RAB38: variants seen among roughly 807,000 people sequenced by gnomAD.
The protein encoded by RAB38 is RAB38, member RAS oncogene family.
RAB38 carries 15 observed loss-of-function variants against 18.4 expected under a neutral mutation model. The observed-to-expected ratio is 0.82, with a 90% CI of 0.55 to 1.26. The LOEUF is 1.26. Ranked by LOEUF, RAB38 falls within the 50% of genes most tolerant of loss-of-function variation. RAB38 has a pLI of 0.00. For missense variants in RAB38, 294 were observed against 267.4 expected (o/e 1.10, Z -0.69); for synonymous variants, 101 against 104.4 (o/e 0.97, Z 0.20).
At chr11:87,904,968 C>T in the RAB38 span, among the ~76,000 whole-genome samples, 1 of 151,598 alleles carries the variant, frequency 6.6e-6, no homozygotes, top group African/African-American at 2.4e-5. Context: ...TTCCACCATC[C>T]CTCTCCCATC....
At chr11:88,023,581 G>C in the RAB38 span, among the ~76,000 whole-genome samples, 1 of 151,836 alleles carries the variant, frequency 6.6e-6, no homozygotes, top group Non-Finnish European at 1.5e-5. Flanking sequence ...AAAAGGACCA[G>C]AATAGCCAAA....
At chr11:87,943,643 T>C in the RAB38 span, among the ~76,000 whole-genome samples, 1 of 152,158 alleles carries the variant, frequency 6.6e-6, no homozygotes, top group Non-Finnish European at 1.5e-5. Flanking sequence ...GGATTCACCA[T>C]ACTTAGGGGA....
intron 2 of RAB38, among the ~76,000 whole-genome samples, chr11:88,128,878 T>C (rs549173119): frequency 2.6e-4 from 40 of 152,310 alleles, no homozygotes; most frequent in African/African-American, 9.6e-4. Context: ...AGACACAGTA[T>C]GTAGGAGTGG....
At chr11:88,020,223 A>G in the RAB38 span, among the ~76,000 whole-genome samples, 1 of 152,194 alleles carries the variant, frequency 6.6e-6, no homozygotes, top group African/African-American at 2.4e-5. Flanking sequence ...AACACACTTC[A>G]CCAATAGAGA....
the RAB38 span, among the ~76,000 whole-genome samples, chr11:87,856,395 A>G: frequency 6.6e-6 from 1 of 152,196 alleles, no homozygotes; most frequent in African/African-American, 2.4e-5. Flanking sequence ...AACTGTGTGG[A>G]GCACAATCCC....
the RAB38 span, among the ~76,000 whole-genome samples, chr11:88,085,354 T>C: frequency 3.3e-5 from 5 of 151,798 alleles, no homozygotes; most frequent in Admixed American, 3.3e-4. Flanking sequence ...AAAGCAGAGG[T>C]GTCACTGAAG....
the RAB38 span, among the ~76,000 whole-genome samples, chr11:87,918,929 T>A: frequency 6.7e-6 from 1 of 148,382 alleles, no homozygotes; most frequent in Non-Finnish European, 1.5e-5. Flanking sequence ...TGGGTCACAG[T>A]AAAAAAAAAA....
chr11:87,806,638 TTTTA>T, the RAB38 span, among the ~76,000 whole-genome samples: 6 of 152,340 alleles, frequency 3.9e-5, no homozygotes, highest in South Asian at 8.3e-4. Context: ...TTCTTAATTT[TTTTA>T]TTTGTTTTCC....
At chr11:87,882,033 T>G in the RAB38 span, among the ~76,000 whole-genome samples, 3 of 151,974 alleles carry the variant, frequency 2.0e-5, no homozygotes, top group Middle Eastern at 6.8e-3. Context: ...AGCACAGTTA[T>G]TGTCAGAAGC....
At chr11:88,145,142 A>C (rs1942966061) in intron 2 of RAB38, among the ~76,000 whole-genome samples, 1 of 151,052 alleles carries the variant, frequency 6.6e-6, no homozygotes, top group East Asian at 1.9e-4. Flanking sequence ...TACATTATTT[A>C]TCTCTCTTTT....
chr11:87,854,290 A>G, the RAB38 span, among the ~76,000 whole-genome samples: 5 of 152,344 alleles, frequency 3.3e-5, no homozygotes, highest in East Asian at 9.6e-4. Flanking sequence ...TATTCTATAC[A>G]ATTTAACTAG....
At chr11:88,138,231 C>T (rs781446355) in intron 2 of RAB38, among the ~76,000 whole-genome samples, 3 of 152,068 alleles carry the variant, frequency 2.0e-5, no homozygotes, top group Non-Finnish European at 2.9e-5. Context: ...CTAGTCTCAA[C>T]AGAATAAACA....
At chr11:87,866,668 T>C in the RAB38 span, among the ~76,000 whole-genome samples, 1 of 151,752 alleles carries the variant, frequency 6.6e-6, no homozygotes, top group East Asian at 1.9e-4. Context: ...CCGTGTGCCA[T>C]ATAGTGGGCA....
the RAB38 span, among the ~76,000 whole-genome samples, chr11:87,916,748 T>C: frequency 6.6e-6 from 1 of 152,194 alleles, no homozygotes; most frequent in Non-Finnish European, 1.5e-5. Context: ...GGGTTTCTTG[T>C]AGGCAATGTA....
the RAB38 span, among the ~76,000 whole-genome samples, chr11:87,820,910 T>C: frequency 1.3e-5 from 2 of 152,198 alleles, no homozygotes; most frequent in Admixed American, 6.5e-5. Flanking sequence ...TTTAGTAAAG[T>C]AGAATATGGT....
the RAB38 span, among the ~76,000 whole-genome samples, chr11:87,924,479 T>C: frequency 6.6e-6 from 1 of 151,772 alleles, no homozygotes; most frequent in Non-Finnish European, 1.5e-5. Flanking sequence ...AAATATTAAC[T>C]GGTGACCTTT....
At chr11:88,007,416 A>G in the RAB38 span, among the ~76,000 whole-genome samples, 1 of 147,192 alleles carries the variant, frequency 6.8e-6, no homozygotes, top group Non-Finnish European at 1.6e-5. Flanking sequence ...TAATTTCTGC[A>G]AATCAATAAT....
intron 1 of RAB38, among the ~76,000 whole-genome samples, chr11:88,167,926 T>C (rs1591179973): frequency 6.6e-6 from 1 of 152,166 alleles, no homozygotes; most frequent in East Asian, 1.9e-4. Context: ...TCCCAGAATC[T>C]AAGAAAGTAA....
chr11:88,055,087 GT>G, the RAB38 span, among the ~76,000 whole-genome samples: 2 of 152,220 alleles, frequency 1.3e-5, no homozygotes, highest in South Asian at 4.2e-4. Context: ...TAAGATACCT[GT>G]TAGCATGATA....
Sources: gnomAD v4.1 joint callset for allele counts (sites outside exome capture counted in the v4.1 genomes callset) on GRCh38, gnomAD v4.1.1 for gene constraint, MANE v1.5 for transcripts, NCBI Gene and HGNC (gene_info 2026-07-23, HGNC 2026-07-21) for gene names.